SGCD: variants seen among roughly 807,000 people sequenced by gnomAD.
SGCD encodes the protein sarcoglycan delta, also known as delta-sarcoglycan.
SGCD carries 18 observed loss-of-function variants against 36.6 expected under a neutral mutation model. The ratio of observed to expected loss-of-function variants is 0.49; its 90% CI spans 0.34 to 0.73. The LOEUF (loss-of-function observed/expected upper bound fraction) is 0.73, where lower values mean the gene tolerates loss of function less well. SGCD is among the 30% of genes least tolerant of loss of function. The pLI is 0.01. For synonymous variants in SGCD, 133 were observed against 130.6 expected (o/e 1.02, Z -0.12); for missense variants, 387 against 346.7 (o/e 1.12, Z -0.92).
chr5:155,836,190 A>T, the SGCD span, among the ~76,000 whole-genome samples: 9 of 152,070 alleles, frequency 5.9e-5, no homozygotes, highest in Admixed American at 6.6e-5. Context: ...GACTGAGGAG[A>T]TAGCTGGACC....
intron 3 of SGCD, among the ~76,000 whole-genome samples, chr5:156,189,771 A>G (rs1763845274): frequency 6.6e-6 from 1 of 152,186 alleles, no homozygotes; most frequent in East Asian, 1.9e-4. Flanking sequence ...AAACAGAAGA[A>G]CATATCATTG....
chr5:156,160,097 A>T (rs972160117), intron 3 of SGCD, among the ~76,000 whole-genome samples: 4 of 151,660 alleles, frequency 2.6e-5, no homozygotes, highest in African/African-American at 9.8e-5. Context: ...CAGTTTACAC[A>T]TATTTTCAAA....
In SGCD at chr5:156,463,137, GGTTT is replaced by G. The variant is rs144573276; in HGVS notation, c.193-45442_193-45439del. On this transcript the variant is annotated intron_variant, in intron 3 of 8. Transcript: ENST00000337851. Reference sequence around the variant, plus strand: ...TGTATTAACAGCAGTTTGTTTTTTTGGTTTGTTTGTTTGTTTGTTTGTTTGAGAC... The same window carrying G: ...TGTATTAACAGCAGTTTGTTTTTTTGGTTTGTTTGTTTGTTTGTTTGAGAC... Among the ~76,000 whole-genome samples the G allele has an allele frequency of 1.2e-3, 185 of 151,900 alleles. 1 individual carries two copies. The highest frequency in any genetic ancestry group is 3.9e-3 in the African/African-American group (162 of 41,474).
rs559117877 is a variant in SGCD, at chr5:156,240,470, A to G, written c.-43-89064A>G. Among the ~76,000 whole-genome samples the G allele has an allele frequency of 1.6e-4, 25 of 152,194 alleles. No homozygotes were observed. The South Asian group carries it at 4.4e-3, about 27-fold the overall frequency. ...TAAGCAGATGCATGCAGTCTTAGGG[A>G]ATAATAATAATAATTTAAAAACAAG... On this transcript the variant is annotated intron_variant, in intron 3 of 9. Coordinates refer to the SGCD transcript ENST00000517913.
intron 1 of SGCD, among the ~76,000 whole-genome samples, chr5:155,920,180 A>G (rs1203472740): frequency 6.6e-6 from 1 of 152,210 alleles, no homozygotes; most frequent in Non-Finnish European, 1.5e-5. Flanking sequence ...ACACTGCAAT[A>G]GTCTTTGGAG....
At chr5:156,339,671 G>A (rs1180110405) in intron 2 of SGCD, among the ~76,000 whole-genome samples, 1 of 152,032 alleles carries the variant, frequency 6.6e-6, no homozygotes, top group African/African-American at 2.4e-5. Flanking sequence ...ATTCTATTGT[G>A]CAATAGCATT....
At chr5:156,259,398 G>A (rs1254818713) in intron 3 of SGCD, among the ~76,000 whole-genome samples, 1 of 151,570 alleles carries the variant, frequency 6.6e-6, no homozygotes, top group Non-Finnish European at 1.5e-5. Flanking sequence ...TATTTTTTCT[G>A]CTCTATAGTT....
At chr5:156,244,469 C>T (rs901149888) in intron 3 of SGCD, among the ~76,000 whole-genome samples, 1 of 152,120 alleles carries the variant, frequency 6.6e-6, no homozygotes, top group African/African-American at 2.4e-5. Context: ...CCTTATGTAA[C>T]AGAATGTTCT....
At chr5:156,524,094 C>CTATATATA (rs60414987) in intron 4 of SGCD, among the ~76,000 whole-genome samples, 3 of 40,562 alleles carry the variant, frequency 7.4e-5, no homozygotes, top group African/African-American at 9.6e-5. Flanking sequence ...TGAGGTCTTA[C>CTATATATA]TATATATATA....
intron 1 of SGCD, among the ~76,000 whole-genome samples, chr5:156,005,428 T>TTTGTTGTTGTTG (rs5872447): frequency 5.0e-4 from 76 of 150,616 alleles, no homozygotes; most frequent in Admixed American, 7.9e-4. Flanking sequence ...GTCTTCAGTT[T>TTTGTTGTTGTTG]TTGTTGTTGT....
intron 7 of SGCD, among the ~76,000 whole-genome samples, chr5:156,724,988 C>T (rs2113790155): frequency 6.6e-6 from 1 of 152,316 alleles, no homozygotes; most frequent in Non-Finnish European, 1.5e-5. Context: ...TGAGGTTTCA[C>T]ATAGTGCTCT....
chr5:156,628,418 T>A (rs1403895346), intron 6 of SGCD, among the ~76,000 whole-genome samples: 1 of 152,216 alleles, frequency 6.6e-6, no homozygotes, highest in Non-Finnish European at 1.5e-5. Context: ...AATGCCTTTG[T>A]TCAAATTCAG....
chr5:155,735,997 AC>A, the SGCD span, among the ~76,000 whole-genome samples: 82 of 152,230 alleles, frequency 5.4e-4, no homozygotes, highest in Middle Eastern at 3.4e-3. Context: ...TTTCTTCTTA[AC>A]CCTTTTTTAG....
At chr5:156,729,385 A>G (rs938298599) in intron 7 of SGCD, among the ~76,000 whole-genome samples, 3 of 152,354 alleles carry the variant, frequency 2.0e-5, no homozygotes, top group African/African-American at 7.2e-5. Context: ...GTGTATTAAC[A>G]GAAATACTTC....
chr5:155,838,500 T>A, the SGCD span, among the ~76,000 whole-genome samples: 5 of 152,164 alleles, frequency 3.3e-5, no homozygotes, highest in Non-Finnish European at 7.4e-5. Context: ...TGTTCCTCTG[T>A]GTATCTTGTA....
At chr5:156,099,617 A>T (rs948689028) in intron 1 of SGCD, among the ~76,000 whole-genome samples, 5 of 152,014 alleles carry the variant, frequency 3.3e-5, no homozygotes, top group Middle Eastern at 3.4e-3. Flanking sequence ...GTTTCACCTT[A>T]TTGGTCAGAC....
At chr5:155,731,701 T>A in the SGCD span, among the ~76,000 whole-genome samples, 3 of 152,210 alleles carry the variant, frequency 2.0e-5, no homozygotes, top group African/African-American at 7.2e-5. Flanking sequence ...TCACTGACAA[T>A]ATTTGCCAAT....
the SGCD span, among the ~76,000 whole-genome samples, chr5:155,861,582 G>A: frequency 6.6e-6 from 1 of 152,170 alleles, no homozygotes; most frequent in African/African-American, 2.4e-5. Context: ...GCTGGGTATG[G>A]TGGCATGCGC....
At chr5:156,383,155 G>A (rs981333765) in intron 3 of SGCD, among the ~76,000 whole-genome samples, 7 of 152,162 alleles carry the variant, frequency 4.6e-5, no homozygotes, top group African/African-American at 1.7e-4. Flanking sequence ...GTGCTGTGTG[G>A]TACATTCTAT....
Sources: gnomAD v4.1 joint callset for allele counts (sites outside exome capture counted in the v4.1 genomes callset) on GRCh38, gnomAD v4.1.1 for gene constraint, MANE v1.5 for transcripts, NCBI Gene and HGNC (gene_info 2026-07-23, HGNC 2026-07-21) for gene names.